The following MYH11 variants were observed in gnomAD, a reference collection of about 807,000 sequenced individuals.
The protein encoded by MYH11 is myosin-11.
Under a neutral mutation model 246.6 loss-of-function variants are expected in MYH11, and 80 were observed. That is an observed-to-expected ratio of 0.32 (90% CI 0.27 to 0.39). The LOEUF is 0.39. Among genes scored for constraint, MYH11 ranks in the 10% least tolerant of loss-of-function variants. The pLI is 1.00. For missense variants in MYH11, 2,158 were observed against 2,546.8 expected (o/e 0.85, Z 3.29); for synonymous variants, 1,071 against 1,015.5 (o/e 1.05, Z -1.04).
chr16:15,800,182 G>A (rs952835157), intron 3 of MYH11, among the ~76,000 whole-genome samples: 6 of 151,746 alleles, frequency 4.0e-5, no homozygotes, highest in Non-Finnish European at 8.8e-5. Context: ...ATGGGCAAGT[G>A]AGTGGAAGGA....
rs533519322 is a variant in MYH11, at chr16:15,719,274, G to A, written c.5117C>T (p.Ala1706Val). 6.2e-6 allele frequency: 10 copies of A among 1,612,874 alleles called. No individual in the cohort carries two copies. The highest frequency in any genetic ancestry group is 1.7e-5 in the Admixed American group (1 of 60,002). The change falls in exon 36 of 41, where the codon GCG (alanine) becomes GTG (valine). Residue 1706 changes from alanine to valine, a missense_variant. Transcript: ENST00000300036. ...LAAAERARKQ[A>V]DLEKEELAEE... ...TGCCAGTTCCTCCTTCTCGAGGTCC[G>A]CTTGTTTGCGAGCCCTCTCAGCGGC...
At chr16:15,778,679 G>T in intron 7 of MYH11, 101 bp downstream of exon 7, 2 of 1,158,130 alleles carry the variant, frequency 1.7e-6, no homozygotes, top group Non-Finnish European at 2.6e-6. Flanking sequence ...AACCTAAGAG[G>T]CTGGAAAGAT....
intron 5 of MYH11, chr16:15,784,692 A>G: frequency 6.2e-7 from 1 of 1,613,814 alleles, no homozygotes; most frequent in Non-Finnish European, 8.5e-7. Context: ...ACTCTCAGTT[A>G]CTCACGTAGG....
intron 2 of MYH11, among the ~76,000 whole-genome samples, chr16:15,827,648 T>G (rs2043607633): frequency 1.3e-5 from 2 of 152,188 alleles, no homozygotes. Flanking sequence ...CTTTCTCCTC[T>G]TCAGTCCCAG....
At chr16:15,804,287 T>C (rs1433222753) in intron 3 of MYH11, among the ~76,000 whole-genome samples, 4 of 152,134 alleles carry the variant, frequency 2.6e-5, no homozygotes, top group African/African-American at 9.7e-5. Flanking sequence ...TCCCAGCACT[T>C]TGGGAGGCCG....
intron 1 of MYH11, among the ~76,000 whole-genome samples, chr16:15,841,775 T>C (rs1029177953): frequency 2.0e-5 from 3 of 152,232 alleles, no homozygotes; most frequent in African/African-American, 7.2e-5. Context: ...CTCTTGCTGC[T>C]GGGCTCCAAA....
intron 26 of MYH11, among the ~76,000 whole-genome samples, chr16:15,734,535 A>G (rs2041060701): frequency 6.6e-6 from 1 of 152,166 alleles, no homozygotes; most frequent in Non-Finnish European, 1.5e-5. Context: ...CCTGACCTCA[A>G]GTGATCCACC....
chr16:15,714,897 C>G lies in MYH11; in HGVS notation c.5786+12G>C, dbSNP rs748529228. The G allele has an allele frequency of 3.1e-6, 5 of 1,613,110 alleles. No individual in the cohort carries two copies. The Admixed American group carries it at 6.7e-5, about 21-fold the overall frequency. ...TGAGAGACGGGGTCCTCCCGGGCCA[C>G]GGGCTCCTCACCTGAGCTTGCTCTT... On this transcript the variant is annotated intron_variant, in intron 40 of 40. Transcript: ENST00000300036.
At chr16:15,853,962 C>T (rs1241244937) in intron 1 of MYH11, among the ~76,000 whole-genome samples, 3 of 152,108 alleles carry the variant, frequency 2.0e-5, no homozygotes, top group Non-Finnish European at 4.4e-5. Context: ...ACCTAGGAGG[C>T]GGAGGTTGCA....
chr16:15,720,097 G>A, intron 34 of MYH11, 54 bp downstream of exon 34: 1 of 1,612,188 alleles, frequency 6.2e-7, no homozygotes, highest in Non-Finnish European at 8.5e-7. Context: ...TCGGTGGCCT[G>A]AGGGGAACTG....
chr16:15,766,236 C>G (rs2041976957), intron 9 of MYH11, among the ~76,000 whole-genome samples: 1 of 152,168 alleles, frequency 6.6e-6, no homozygotes, highest in Admixed American at 6.5e-5. Context: ...GGGCCAGCAG[C>G]TACTCCGTCA....
At position 15,732,604 on chromosome 16, in the gene MYH11, G is replaced by A. The variant is rs772621139; in HGVS notation, c.3611C>T (p.Ala1204Val). The change falls in exon 27 of 41, where the codon GCG becomes GTG. Residue 1204 changes from alanine to valine, a missense_variant. Coordinates refer to ENST00000300036, the MANE Select transcript of MYH11 (RefSeq NM_002474.3). ...AAGCTGCTCTGTGAGCTCCTCCACC[G>A]CCTGTGCGTGTTTCTGCCTCATCTC... ...VQEMRQKHAQ[A>V]VEELTEQLEQ... 78 of 1,614,076 alleles carry A rather than the reference G, an allele frequency of 4.8e-5. No homozygotes were observed. The highest frequency in any genetic ancestry group is 1.8e-4 in the East Asian group (8 of 44,896).
At chr16:15,763,742 C>CT in intron 10 of MYH11, 54 bp downstream of exon 10, 8 of 627,772 alleles carry the variant, frequency 1.3e-5, no homozygotes, top group South Asian at 2.9e-5. Flanking sequence ...AATGTCACCT[C>CT]CCCCACCCCC....
chr16:15,771,745 A>T lies in MYH11; in HGVS notation c.890-33T>A, dbSNP rs370152392. 4 of 1,613,460 alleles carry T rather than the reference A, an allele frequency of 2.5e-6. No homozygotes were observed. The African/African-American group carries it at 5.3e-5, about 22-fold the overall frequency. ...GAGAGGAAGACAGGTCAGGGTCAATAAGACATACTTCTAATTTCAACATGA... is the reference window on the plus strand; with the variant it reads ...GAGAGGAAGACAGGTCAGGGTCAATTAGACATACTTCTAATTTCAACATGA... On this transcript the variant is annotated intron_variant, in intron 8 of 40. Coordinates refer to ENST00000300036, the MANE Select transcript of MYH11 (RefSeq NM_002474.3).
intron 24 of MYH11, 142 bp downstream of exon 24, chr16:15,738,423 G>A: frequency 2.8e-6 from 2 of 717,888 alleles, no homozygotes; most frequent in Non-Finnish European, 4.4e-6. Context: ...TGAGGCAGGA[G>A]GATCACTGGA....
intron 3 of MYH11, 31 bp downstream of exon 3, chr16:15,823,224 G>C: frequency 6.2e-7 from 1 of 1,613,438 alleles, no homozygotes; most frequent in Non-Finnish European, 8.5e-7. Flanking sequence ...GCTCCCTGGA[G>C]CTGGCCCCGT....
Position 15,740,165 on chromosome 16 carries a change from C to G in MYH11, c.2883G>C (p.Glu961Asp). ...GCAGCTTCTGCCTGGCAGCTTCCTC[C>G]TCCTCCAGCTGTTCTTCAAGGTCCT... ...QMLDLEEQLE[E>D]EEAARQKLQL... is the part of the protein sequence containing the mutation. The change falls in exon 23 of 41, where the codon GAG becomes GAC. Residue 961 changes from glutamate (E) to aspartate (D), a missense_variant. Physicochemically the swap from Glu to Asp is conservative, Grantham distance 45. This residue lies in a region of MYH11 where 284 missense variants were observed against 315.4 expected (regional missense o/e 0.90). Coordinates refer to ENST00000300036, the MANE Select transcript of MYH11 (RefSeq NM_002474.3). The G allele has an allele frequency of 6.2e-7, 1 of 1,614,226 alleles. No individual in the cohort carries two copies. The highest frequency in any genetic ancestry group is 8.5e-7 in the Non-Finnish European group (1 of 1,180,042).
intron 38 of MYH11, among the ~76,000 whole-genome samples, chr16:15,715,627 T>C (rs1024738460): frequency 2.6e-5 from 4 of 151,550 alleles, no homozygotes; most frequent in African/African-American, 9.7e-5. Context: ...GGGGTTTCTA[T>C]TTTTTTTGCG....
At chr16:15,851,933 T>C (rs1276600781) in intron 1 of MYH11, among the ~76,000 whole-genome samples, 1 of 152,164 alleles carries the variant, frequency 6.6e-6, no homozygotes, top group Non-Finnish European at 1.5e-5. Flanking sequence ...AATTCTGGCA[T>C]ACCACAGCTT....
Sources: gnomAD v4.1 joint callset for allele counts (sites outside exome capture counted in the v4.1 genomes callset) on GRCh38, gnomAD v4.1.1 for gene constraint, gnomAD v4.1.1 regional missense constraint, MANE v1.5 for transcripts, NCBI Gene and HGNC (gene_info 2026-07-23, HGNC 2026-07-21) for gene names.